TSPAN13: variants seen among roughly 807,000 people sequenced by gnomAD.
TSPAN13 encodes tetraspanin-13.
A neutral mutation model predicts 26.9 loss-of-function variants in TSPAN13; 18 were observed. The ratio of observed to expected loss-of-function variants is 0.67; its 90% CI spans 0.46 to 0.99. TSPAN13 has a LOEUF of 0.99. Among genes scored for constraint, TSPAN13 ranks in the 50% least tolerant of loss-of-function variants. The probability of loss-of-function intolerance (pLI) is 0.00; values close to 1 mark genes in which losing one functional copy is unlikely to be tolerated. For missense variants in TSPAN13, 201 were observed against 249.6 expected, an observed-to-expected ratio of 0.81 and a Z score of 1.31; for synonymous variants, 116 against 98.4, an observed-to-expected ratio of 1.18 and a Z score of -1.06.
chr7:16,757,598 C>A (rs754098351), intron 1 of TSPAN13, among the ~76,000 whole-genome samples: 1 of 152,036 alleles, frequency 6.6e-6, no homozygotes, highest in African/African-American at 2.4e-5. Context: ...AGTTGCCCTG[C>A]CAGTTTTAAA....
intron 1 of TSPAN13, among the ~76,000 whole-genome samples, chr7:16,757,245 T>C (rs1784489875): frequency 6.6e-6 from 1 of 152,184 alleles, no homozygotes; most frequent in African/African-American, 2.4e-5. Context: ...GTGGGTCTTT[T>C]TGATACCATT....
chr7:16,767,982 G>C (rs1236990594), intron 1 of TSPAN13, among the ~76,000 whole-genome samples: 1 of 152,010 alleles, frequency 6.6e-6, no homozygotes, highest in South Asian at 2.1e-4. Flanking sequence ...GCACCATCTC[G>C]GCCCACTGCA....
chr7:16,768,451 C>T (rs1400434138), intron 1 of TSPAN13, among the ~76,000 whole-genome samples: 2 of 152,206 alleles, frequency 1.3e-5, no homozygotes, highest in Non-Finnish European at 2.9e-5. Context: ...CTGTGCACAG[C>T]TTTTCCCATC....
intron 1 of TSPAN13, among the ~76,000 whole-genome samples, chr7:16,773,409 A>G (rs1054081267): frequency 1.3e-4 from 20 of 151,110 alleles, no homozygotes; most frequent in Admixed American, 8.6e-4. Context: ...TTTGGTATGT[A>G]TAAATAGTTA....
rs1162039671 is a variant in TSPAN13, at chr7:16,781,466, A to C, written c.541-1951A>C. Among the ~76,000 whole-genome samples, 7 of 152,202 alleles carry C rather than the reference A, an allele frequency of 4.6e-5. No individual in the cohort carries two copies. The East Asian group carries it at 7.7e-4, about 17-fold the overall frequency. On this transcript the variant is annotated intron_variant, in intron 5 of 5. Transcript: ENST00000262067. ...GAAAAGTGCCCTCTTAATCATGAGC[A>C]CTTTTGTAAGCTTGAAGTTCAATAA...
rs117161352 is a variant in TSPAN13, at chr7:16,761,062, G to T, written c.63+7032G>T. 2.4e-3 allele frequency among the ~76,000 whole-genome samples: 361 copies of T among 152,258 alleles called. 2 individuals carry two copies. Among genetic ancestry groups the T allele is most frequent in the Non-Finnish European group, 4.1e-3 (277 of 68,026 alleles). ...AGTGGTAGAGTGGGGTTGGAACTTT[G>T]TTGGCAGCTGTGGATGTCACCTCAA... On this transcript the variant is annotated intron_variant, in intron 1 of 5. Coordinates refer to ENST00000262067, the MANE Select transcript of TSPAN13 (RefSeq NM_014399.4).
intron 1 of TSPAN13, among the ~76,000 whole-genome samples, chr7:16,768,583 C>T (rs559632907): frequency 5.6e-4 from 85 of 152,218 alleles, no homozygotes; most frequent in South Asian, 3.7e-3. Flanking sequence ...GTGTTATATG[C>T]GCATTTTTGG....
chr7:16,764,098 A>G (rs1405437572), intron 1 of TSPAN13, among the ~76,000 whole-genome samples: 1 of 151,664 alleles, frequency 6.6e-6, no homozygotes, highest in African/African-American at 2.4e-5. Flanking sequence ...ACTCACCGCA[A>G]CCTCTGCCTG....
intron 1 of TSPAN13, among the ~76,000 whole-genome samples, chr7:16,769,615 T>G (rs1482186885): frequency 6.6e-6 from 1 of 152,212 alleles, no homozygotes; most frequent in African/African-American, 2.4e-5. Context: ...TGTTGATTTT[T>G]GTGTATTGAT....
At chr7:16,774,891 C>T (rs1246890302) in intron 1 of TSPAN13, among the ~76,000 whole-genome samples, 1 of 152,156 alleles carries the variant, frequency 6.6e-6, no homozygotes, top group Non-Finnish European at 1.5e-5. Context: ...AATAGACACT[C>T]ATGTAGCAGT....
chr7:16,770,451 C>T (rs1414568347), intron 1 of TSPAN13, among the ~76,000 whole-genome samples: 1 of 152,170 alleles, frequency 6.6e-6, no homozygotes. Flanking sequence ...CTCAAGTGAT[C>T]CACCCGCTTC....
At chr7:16,779,318 CTCT>C (rs1202327653) in intron 5 of TSPAN13, among the ~76,000 whole-genome samples, 2 of 152,072 alleles carry the variant, frequency 1.3e-5, no homozygotes, top group African/African-American at 4.8e-5. Flanking sequence ...CTTGATCTGT[CTCT>C]TCTTATGTAA....
At position 16,784,035 on chromosome 7, in the gene TSPAN13, A is replaced by G. The variant is rs1784844610; in HGVS notation, c.*544A>G. ...AATGATAATTTACTTGTAGTCTTTT[A>G]TGATTACACCAATGTATTCTAGAAA... On this transcript the variant is annotated 3_prime_UTR_variant, in exon 6 of 6. Coordinates refer to ENST00000262067, the MANE Select transcript of TSPAN13 (RefSeq NM_014399.4). The G allele has an allele frequency of 6.5e-6, 1 of 152,946 alleles. No individual in the cohort carries two copies. The highest frequency in any genetic ancestry group is 6.5e-5 in the Admixed American group (1 of 15,336). The allele number at this position is 152,946 out of a possible 1,614,324, so 9.5% of individuals were successfully genotyped here. A position where few individuals can be genotyped will look rare whatever the true frequency, so the allele number is the denominator to read the frequency against.
chr7:16,759,379 T>C (rs940088206), intron 1 of TSPAN13, among the ~76,000 whole-genome samples: 2 of 151,190 alleles, frequency 1.3e-5, no homozygotes, highest in Admixed American at 6.6e-5. Context: ...ATGGGGAGAG[T>C]GAGGGGGAGG....
intron 1 of TSPAN13, among the ~76,000 whole-genome samples, chr7:16,765,736 T>C (rs1285799766): frequency 1.3e-5 from 2 of 152,242 alleles, no homozygotes; most frequent in Non-Finnish European, 2.9e-5. Context: ...AATTCCTTTT[T>C]ATCAGCATTG....
At chr7:16,773,366 T>C (rs1306226897) in intron 1 of TSPAN13, among the ~76,000 whole-genome samples, 2 of 152,134 alleles carry the variant, frequency 1.3e-5, no homozygotes, top group Admixed American at 6.5e-5. Flanking sequence ...GGAATGATAT[T>C]TTGTGATGCA....
At chr7:16,773,141 C>T (rs1259667076) in intron 1 of TSPAN13, among the ~76,000 whole-genome samples, 2 of 149,954 alleles carry the variant, frequency 1.3e-5, no homozygotes, top group African/African-American at 5.0e-5. Context: ...GTTCTATACT[C>T]TTACTCGCCT....
In TSPAN13 at chr7:16,754,871, G is replaced by C. The variant is rs538988513; in HGVS notation, c.63+841G>C. ...TTTATTGAATGCCTATCACGTCCCA[G>C]GTTTTACATACACAATGCTCGTTCA... On this transcript the variant is annotated intron_variant, in intron 1 of 5. Transcript: ENST00000262067. 9.9e-5 allele frequency among the ~76,000 whole-genome samples: 15 copies of C among 152,246 alleles called. No homozygotes were observed. In the South Asian group the frequency reaches 2.3e-3, roughly 23 times the overall value.
At chr7:16,760,269 G>A (rs979265670) in intron 1 of TSPAN13, among the ~76,000 whole-genome samples, 9 of 152,118 alleles carry the variant, frequency 5.9e-5, no homozygotes, top group African/African-American at 9.7e-5. Flanking sequence ...CTAGTTACAA[G>A]GCTATTGCTA....
Sources: allele counts gnomAD v4.1 joint callset (sites outside exome capture counted in the v4.1 genomes callset), GRCh38; gene constraint gnomAD v4.1.1; transcripts MANE v1.5; gene names NCBI Gene and HGNC (gene_info 2026-07-23, HGNC 2026-07-21).